TTC3: variants seen among roughly 807,000 people sequenced by gnomAD.
The protein encoded by TTC3 is tetratricopeptide repeat domain 3, also known as E3 ubiquitin-protein ligase TTC3.
A neutral mutation model predicts 249.6 loss-of-function variants in TTC3; 180 were observed. That is an observed-to-expected ratio of 0.72 (90% CI 0.64 to 0.82). The LOEUF (loss-of-function observed/expected upper bound fraction) is 0.82, where lower values mean the gene tolerates loss of function less well. Ranked by LOEUF, TTC3 falls within the 40% of genes least tolerant of loss-of-function variation. TTC3 has a pLI of 0.00. For missense variants in TTC3, 2,061 were observed against 2,398.4 expected (o/e 0.86, Z 2.94); for synonymous variants, 717 against 805.0 (o/e 0.89, Z 1.85).
intron 7 of TTC3, chr21:37,091,717 G>T (rs2073300363): frequency 6.4e-6 from 1 of 155,718 alleles, no homozygotes; most frequent in African/African-American, 2.4e-5. Context: ...GAGTAGTTGA[G>T]ACTATGGGCG....
At chr21:37,150,941 A>G in intron 25 of TTC3, 57 bp downstream of exon 25, 1 of 1,262,212 alleles carries the variant, frequency 7.9e-7, no homozygotes, top group South Asian at 1.3e-5. Context: ...ATATAATTCT[A>G]TTAAATGCAG....
intron 35 of TTC3, among the ~76,000 whole-genome samples, chr21:37,180,981 A>G (rs1360936512): frequency 6.6e-6 from 1 of 152,196 alleles, no homozygotes. Flanking sequence ...AGTTATGTCA[A>G]TAAACTGTAA....
At chr21:37,109,456 G>T (rs536410146) in intron 11 of TTC3, among the ~76,000 whole-genome samples, 134 of 151,718 alleles carry the variant, frequency 8.8e-4, no homozygotes, top group African/African-American at 2.9e-3. Context: ...ATGGAGCCTC[G>T]CTCATTGCTA....
intron 1 of TTC3, among the ~76,000 whole-genome samples, chr21:37,074,068 C>T (rs1480225279): frequency 6.6e-6 from 1 of 152,200 alleles, no homozygotes; most frequent in Admixed American, 6.5e-5. Context: ...CGTGCACACC[C>T]CTTGCTGTGT....
intron 16 of TTC3, among the ~76,000 whole-genome samples, chr21:37,131,949 T>C (rs2077505365): frequency 6.6e-6 from 1 of 152,190 alleles, no homozygotes; most frequent in South Asian, 2.1e-4. Flanking sequence ...TATTAGATTT[T>C]CCCATCACAT....
intron 36 of TTC3, among the ~76,000 whole-genome samples, chr21:37,184,051 A>G (rs1238976156): frequency 5.9e-5 from 9 of 152,108 alleles, no homozygotes; most frequent in Admixed American, 5.2e-4. Context: ...TCCTCAAACA[A>G]TGAGGAAAAG....
At position 37,181,539 on chromosome 21, in the gene TTC3, T is replaced by C. The variant is rs142706587; in HGVS notation, c.4618-1235T>C. Among the ~76,000 whole-genome samples the C allele has an allele frequency of 6.6e-5, 10 of 152,300 alleles. No homozygotes were observed. In the East Asian group the frequency reaches 1.7e-3, roughly 26 times the overall value. ...CTCAAGAAATTCAGGATCAACAAGG[T>C]TGCAGCTAAGAAGATGTGGGAAGAA... On this transcript the variant is annotated intron_variant, in intron 35 of 45. Transcript: ENST00000355666.
rs146603345 is a variant in TTC3 at position 37,126,709 on chromosome 21, T to C, written c.1297+566T>C. Among the ~76,000 whole-genome samples, 222 of 152,344 alleles carry C rather than the reference T, an allele frequency of 1.5e-3. 2 individuals are homozygous for C. The highest frequency in any genetic ancestry group is 4.9e-3 in the African/African-American group (203 of 41,588). On this transcript the variant is annotated intron_variant, in intron 15 of 45. Coordinates refer to ENST00000355666, the Ensembl canonical transcript of TTC3. ...AACAAACATTTATTTCTCACATTTC[T>C]AGAAGCTGAGAAATTCATCATCATG...
At chr21:37,156,937 A>C (rs1237638407) in intron 28 of TTC3, 31 bp downstream of exon 28, 2 of 1,596,548 alleles carry the variant, frequency 1.3e-6, no homozygotes, top group Non-Finnish European at 1.7e-6. Context: ...CTTATATTAC[A>C]TTTAATCTTA....
Position 37,152,972 on chromosome 21 carries a change from G to A in TTC3, c.2435G>A (p.Arg812His), listed in dbSNP as rs749136748. 150 of 1,602,992 alleles carry A rather than the reference G, an allele frequency of 9.4e-5. 1 individual carries two copies. The highest frequency in any genetic ancestry group is 3.9e-4 in the South Asian group (35 of 89,060). The change falls in exon 27 of 46, where the codon CGT (arginine) becomes CAT (histidine). Residue 812 changes from arginine (R) to histidine (H), a missense_variant. Physicochemically the swap from Arg to His is conservative, Grantham distance 29. Around this residue, in one of 3 missense-constraint regions of TTC3, gnomAD observed 989 missense variants for 1,145.1 expected, o/e 0.86. Transcript: ENST00000355666. ...TTAGAAACTGTAGACAATGTTCAGC[G>A]TTGTCAGTTCCTTGATGACAGAATT...
chr21:37,156,556 C>A, intron 27 of TTC3, 99 bp from the exon 28 acceptor site: 1 of 1,453,522 alleles, frequency 6.9e-7, no homozygotes, highest in Non-Finnish European at 9.2e-7. Context: ...AGAATATAAG[C>A]AAACTATAAT....
exon 4 of TTC3, chr21:37,088,254 C>T (rs757510843): frequency 2.0e-5 from 32 of 1,612,696 alleles, no homozygotes; most frequent in East Asian, 1.6e-4. Flanking sequence ...AAGATTATTG[C>T]GATGCCATTA....
intron 1 of TTC3, among the ~76,000 whole-genome samples, chr21:37,079,441 T>A (rs1428558957): frequency 1.3e-5 from 2 of 151,850 alleles, no homozygotes; most frequent in African/African-American, 4.8e-5. Flanking sequence ...GTCATAGGAC[T>A]GTTCAGGTAT....
chr21:37,162,721 A>G (rs909329685), intron 31 of TTC3, among the ~76,000 whole-genome samples: 1 of 152,220 alleles, frequency 6.6e-6, no homozygotes, highest in African/African-American at 2.4e-5. Context: ...TTAAAATAAT[A>G]GCCTGTCTTA....
rs2071459678 is a variant in TTC3, at chr21:37,080,348, G to A, written c.-11-6899G>A. ...TCGATTTCTTACTTGTGTTGCCAGA[G>A]AATATTTTATCTTTTTAGCATTTTT... is the stretch of plus-strand genomic sequence containing the variant. On this transcript the variant is annotated intron_variant, in intron 1 of 45. Transcript: ENST00000355666. Among the ~76,000 whole-genome samples the A allele has an allele frequency of 3.4e-5, 5 of 146,110 alleles. No individual in the cohort carries two copies. The South Asian group carries it at 1.1e-3, about 32-fold the overall frequency.
chr21:37,079,820 C>T (rs2146876339), intron 1 of TTC3, among the ~76,000 whole-genome samples: 1 of 152,116 alleles, frequency 6.6e-6, no homozygotes, highest in East Asian at 1.9e-4. Flanking sequence ...AGGTGTGAGC[C>T]ACCGCTCGTG....
chr21:37,186,728 A>G (rs2083330342), intron 37 of TTC3, among the ~76,000 whole-genome samples: 2 of 152,194 alleles, frequency 1.3e-5, no homozygotes, highest in South Asian at 2.1e-4. Context: ...TGCCCGGCCT[A>G]TACAGTTTAT....
chr21:37,074,411 G>T (rs895909875), intron 1 of TTC3, among the ~76,000 whole-genome samples: 2 of 152,204 alleles, frequency 1.3e-5, no homozygotes, highest in South Asian at 4.1e-4. Context: ...TTCCAGTGGC[G>T]CCCTGGACGC....
chr21:37,122,585 G>A (rs899406761), intron 12 of TTC3, among the ~76,000 whole-genome samples: 3 of 151,586 alleles, frequency 2.0e-5, no homozygotes, highest in Non-Finnish European at 4.4e-5. Context: ...TACATTTTTA[G>A]TGTATGAGTC....
Sources: gnomAD v4.1 joint callset for allele counts (sites outside exome capture counted in the v4.1 genomes callset) on GRCh38, gnomAD v4.1.1 for gene constraint, gnomAD v4.1.1 regional missense constraint, MANE v1.5 for transcripts, NCBI Gene and HGNC (gene_info 2026-07-23, HGNC 2026-07-21) for gene names.